PFDN1: variants seen among roughly 807,000 people sequenced by gnomAD.
The protein encoded by PFDN1 is prefoldin 1.
Under a neutral mutation model 17.3 loss-of-function variants are expected in PFDN1, and 6 were observed. The ratio of observed to expected loss-of-function variants is 0.35; its 90% CI spans 0.19 to 0.69. The LOEUF (loss-of-function observed/expected upper bound fraction) is 0.69. PFDN1 is among the 30% of genes least tolerant of loss of function. PFDN1 has a pLI of 0.65. For synonymous variants in PFDN1, 58 were observed against 50.1 expected, an observed-to-expected ratio of 1.16 and a Z score of -0.67; for missense variants, 113 against 146.2, an observed-to-expected ratio of 0.77 and a Z score of 1.17.
At chr5:140,269,359 C>A (rs1196396390) in intron 3 of PFDN1, among the ~76,000 whole-genome samples, 1 of 148,884 alleles carries the variant, frequency 6.7e-6, no homozygotes, top group East Asian at 2.0e-4. Flanking sequence ...GCTCTTATTG[C>A]CCAGGCTGGA....
chr5:140,282,219 A>G (rs1211634430), intron 2 of PFDN1, among the ~76,000 whole-genome samples: 1 of 151,320 alleles, frequency 6.6e-6, no homozygotes, highest in Admixed American at 6.6e-5. Flanking sequence ...AAAAGAAAAG[A>G]AAATCAGGCT....
chr5:140,286,411 C>CAAAAAAAAAAAAA (rs70988742), intron 2 of PFDN1, among the ~76,000 whole-genome samples: 3 of 83,514 alleles, frequency 3.6e-5, no homozygotes, highest in South Asian at 4.0e-4. Flanking sequence ...GACTCTGTCT[C>CAAAAAAAAAAAAA]AAAAAAAAAA....
intron 3 of PFDN1, among the ~76,000 whole-genome samples, chr5:140,251,089 C>T (rs1391781401): frequency 1.3e-5 from 2 of 151,982 alleles, no homozygotes; most frequent in Non-Finnish European, 2.9e-5. Context: ...GTGAGTACCA[C>T]CACACCCAGC....
At chr5:140,257,917 T>C (rs552327755) in intron 3 of PFDN1, among the ~76,000 whole-genome samples, 16 of 152,198 alleles carry the variant, frequency 1.1e-4, no homozygotes, top group Non-Finnish European at 2.1e-4. Flanking sequence ...ACAGAGGGAC[T>C]TGAGAACTCA....
chr5:140,273,163 T>C (rs1436797092), intron 3 of PFDN1, among the ~76,000 whole-genome samples: 1 of 150,622 alleles, frequency 6.6e-6, no homozygotes, highest in Non-Finnish European at 1.5e-5. Flanking sequence ...AAGAATCGCT[T>C]GAACCCAGGA....
Position 140,303,031 on chromosome 5 carries a change from C to G in PFDN1, c.33+10G>C. ...AAGAAGACCTCCGCCTGCCAAAGAC[C>G]CTCTTTTACCTTCTTCAGCTCTAGA... On this transcript the variant is annotated intron_variant, in intron 1 of 3. Coordinates refer to ENST00000261813, the MANE Select transcript of PFDN1 (RefSeq NM_002622.5). The G allele has an allele frequency of 6.2e-7, 1 of 1,603,702 alleles. No homozygotes were observed. The highest frequency in any genetic ancestry group is 1.3e-5 in the African/African-American group (1 of 74,832).
intron 3 of PFDN1, among the ~76,000 whole-genome samples, chr5:140,278,647 C>A (rs917236720): frequency 2.0e-5 from 3 of 151,792 alleles, no homozygotes; most frequent in South Asian, 2.1e-4. Context: ...CTTGCCCCCC[C>A]AACACTGTAT....
chr5:140,288,879 G>A (rs1264200448), intron 2 of PFDN1, among the ~76,000 whole-genome samples: 4 of 152,182 alleles, frequency 2.6e-5, no homozygotes, highest in South Asian at 4.2e-4. Context: ...CCAGGTACTC[G>A]GGAGGCTGAG....
chr5:140,262,407 T>C (rs1333594355), intron 3 of PFDN1: 3 of 405,160 alleles, frequency 7.4e-6, no homozygotes, highest in African/African-American at 4.1e-5. Context: ...ATTCTGGTTC[T>C]GGCTCCATGA....
Position 140,300,500 on chromosome 5 carries a change from C to G in PFDN1, c.116G>C (p.Arg39Thr). The change falls in exon 2 of 4, where the codon AGA becomes ACA. Residue 39 changes from arginine to threonine, a missense_variant. Physicochemically the swap from Arg to Thr is moderately conservative, Grantham distance 71. Coordinates refer to ENST00000261813, the MANE Select transcript of PFDN1 (RefSeq NM_002622.5). ...TGTAAGATGTGCATGCTTTTTCGTT[C>G]TGTTTAGCTGTTCAATCTGTATGTC... ...LADIQIEQLN[R>T]TKKHAHLTDT... 1 of 1,612,462 alleles carries G rather than the reference C, an allele frequency of 6.2e-7. No individual in the cohort carries two copies.
chr5:140,260,705 G>A (rs1249834757), intron 3 of PFDN1, among the ~76,000 whole-genome samples: 1 of 151,578 alleles, frequency 6.6e-6, no homozygotes, highest in East Asian at 1.9e-4. Context: ...CAGTCTCACT[G>A]CTTAATAGTT....
chr5:140,276,015 TTGATGATGATGATGA>T (rs57224353), intron 3 of PFDN1, among the ~76,000 whole-genome samples: 28,428 of 149,290 alleles, frequency 0.19, 2,906 homozygotes, highest in South Asian at 0.25. Flanking sequence ...AGAAGAGAAA[TTGATGATGATGATGA>T]TGATGATGAT....
At chr5:140,253,086 G>A (rs1764937876) in intron 3 of PFDN1, among the ~76,000 whole-genome samples, 1 of 152,210 alleles carries the variant, frequency 6.6e-6, no homozygotes, top group South Asian at 2.1e-4. Context: ...CTTAGGCATG[G>A]AGCAGGAGAA....
intron 1 of PFDN1, among the ~76,000 whole-genome samples, chr5:140,301,068 T>C (rs916993148): frequency 6.6e-6 from 1 of 152,220 alleles, no homozygotes; most frequent in African/African-American, 2.4e-5. Context: ...TGAGTTAGCA[T>C]TGGCAGTCTC....
chr5:140,252,127 C>T lies in PFDN1; in HGVS notation c.286-6070G>A, dbSNP rs543020191. On this transcript the variant is annotated intron_variant, in intron 3 of 3. Coordinates refer to ENST00000261813, the MANE Select transcript of PFDN1 (RefSeq NM_002622.5). ...TACCAGTGCATCCCTCCACCCCCACCCCACTCCCATTTCTACTTTAGCCAC... is the reference window on the plus strand; with the variant it reads ...TACCAGTGCATCCCTCCACCCCCACTCCACTCCCATTTCTACTTTAGCCAC... Among the ~76,000 whole-genome samples the T allele has an allele frequency of 2.6e-5, 4 of 152,124 alleles. No individual in the cohort carries two copies. In the South Asian group the frequency reaches 6.2e-4, roughly 24 times the overall value.
chr5:140,264,009 A>C (rs1765101092), intron 3 of PFDN1, among the ~76,000 whole-genome samples: 1 of 112,200 alleles, frequency 8.9e-6, no homozygotes, highest in African/African-American at 3.5e-5. Flanking sequence ...GGTCAGAGTG[A>C]GACTCCATCT....
rs140145890 is a variant in PFDN1 at position 140,250,135 on chromosome 5, T to C, written c.286-4078A>G. On this transcript the variant is annotated intron_variant, in intron 3 of 3. Transcript: ENST00000261813. ...CTCCTAACACCATCATCTCAGGAGT[T>C]AGGATTTCAACAAAGACTTTAGGGA... 2.6e-3 allele frequency among the ~76,000 whole-genome samples: 391 copies of C among 152,250 alleles called. 1 individual carries two copies. Among genetic ancestry groups the C allele is most frequent in the African/African-American group, 8.9e-3 (370 of 41,540 alleles).
chr5:140,279,223 G>A (rs1485161287), intron 3 of PFDN1, among the ~76,000 whole-genome samples: 1 of 151,876 alleles, frequency 6.6e-6, no homozygotes, highest in Non-Finnish European at 1.5e-5. Context: ...ATGTACCGAG[G>A]GTGGAAAAAC....
rs1764809236 is a variant in PFDN1 at position 140,245,182 on chromosome 5, TA to T, written c.*791del. The T allele has an allele frequency of 3.3e-6, 1 of 303,418 alleles. No individual in the cohort carries two copies. The highest frequency in any genetic ancestry group is 6.1e-6 in the Non-Finnish European group (1 of 164,620). The allele number at this position is 303,418 out of a possible 1,614,324, so 18.8% of individuals were successfully genotyped here. A position where few individuals can be genotyped will look rare whatever the true frequency, so the allele number is the denominator to read the frequency against. ...TGCAACAAAATTCTTGAAAATTGAA[TA>T]ATTGGCCCACCTGGGCTGGGATGAG... is the stretch of plus-strand genomic sequence containing the variant. On this transcript the variant is annotated 3_prime_UTR_variant, in exon 4 of 4. Transcript: ENST00000261813.
Sources: gnomAD v4.1 joint callset for allele counts (sites outside exome capture counted in the v4.1 genomes callset) on GRCh38, gnomAD v4.1.1 for gene constraint, MANE v1.5 for transcripts, NCBI Gene and HGNC (gene_info 2026-07-23, HGNC 2026-07-21) for gene names.